Variants in ADAMTS18 observed in about 807,000 individuals in gnomAD.
ADAMTS18 encodes the protein A disintegrin and metalloproteinase with thrombospondin motifs 18.
A neutral mutation model predicts 165.9 loss-of-function variants in ADAMTS18; 157 were observed. The observed-to-expected ratio is 0.95, with a 90% confidence interval of 0.83 to 1.08. ADAMTS18 has a LOEUF of 1.08. ADAMTS18 is among the 50% of genes least tolerant of loss of function. The pLI is 0.00. For synonymous variants in ADAMTS18, 782 were observed against 578.2 expected (o/e 1.35, Z -5.06); for missense variants, 2,040 against 1,534.0 (o/e 1.33, Z -5.51).
In ADAMTS18 at chr16:77,289,222, C is replaced by T. The variant is rs775318033; in HGVS notation, c.3550+42G>A. ...ACAAAGTAGCCTTTGAAAAAATTAT[C>T]TAAAGACTAGTAAAGTTGACTGGAG... On this transcript the variant is annotated intron_variant, in intron 22 of 22. Transcript: ENST00000282849. 32 of 1,611,658 alleles carry T rather than the reference C, an allele frequency of 2.0e-5. No homozygotes were observed. In the South Asian group the frequency reaches 2.5e-4, roughly 13 times the overall value.
chr16:77,398,947 A>C (rs924094748), intron 3 of ADAMTS18, among the ~76,000 whole-genome samples: 1 of 152,188 alleles, frequency 6.6e-6, no homozygotes. Context: ...AGATGTTGAA[A>C]ATACAAAAAA....
chr16:77,394,141 T>C (rs2057226439), intron 3 of ADAMTS18, among the ~76,000 whole-genome samples: 1 of 152,222 alleles, frequency 6.6e-6, no homozygotes, highest in South Asian at 2.1e-4. Context: ...TTAAAATGCA[T>C]CCTTAGCAGC....
chr16:77,422,306 T>C (rs1203764029), intron 3 of ADAMTS18, among the ~76,000 whole-genome samples: 1 of 151,986 alleles, frequency 6.6e-6, no homozygotes, highest in Non-Finnish European at 1.5e-5. Context: ...GTGGAGTTAT[T>C]GCTGAATAAG....
intron 3 of ADAMTS18, among the ~76,000 whole-genome samples, chr16:77,416,975 C>T (rs12443792): frequency 0.15 from 23,215 of 152,130 alleles, 1,903 homozygotes; most frequent in Middle Eastern, 0.19. Flanking sequence ...TAAGATTACT[C>T]GGTATTTATA....
intron 3 of ADAMTS18, among the ~76,000 whole-genome samples, chr16:77,396,953 C>A (rs575993433): frequency 4.6e-5 from 7 of 152,056 alleles, no homozygotes; most frequent in Non-Finnish European, 1.0e-4. Context: ...ATTACAGGCG[C>A]CCGCCACCAC....
intron 3 of ADAMTS18, among the ~76,000 whole-genome samples, chr16:77,419,774 GTGAA>G (rs2057577157): frequency 2.0e-5 from 3 of 151,942 alleles, no homozygotes. Context: ...TGACAGGCAG[GTGAA>G]TCATGAGGTC....
At chr16:77,391,874 G>A (rs898191776) in intron 3 of ADAMTS18, among the ~76,000 whole-genome samples, 1 of 152,108 alleles carries the variant, frequency 6.6e-6, no homozygotes, top group African/African-American at 2.4e-5. Flanking sequence ...CCTCACAAAG[G>A]GATCCATCCA....
intron 3 of ADAMTS18, among the ~76,000 whole-genome samples, chr16:77,381,670 C>T (rs770347860): frequency 7.9e-5 from 12 of 152,100 alleles, no homozygotes; most frequent in Non-Finnish European, 1.3e-4. Context: ...GCTGTAGTGA[C>T]GCACGCCTGT....
intron 12 of ADAMTS18, among the ~76,000 whole-genome samples, chr16:77,334,871 T>C (rs2056280309): frequency 7.6e-6 from 1 of 131,168 alleles, no homozygotes; most frequent in Non-Finnish European, 1.5e-5. Context: ...ATGTACAGTA[T>C]ATGCACTATA....
intron 16 of ADAMTS18, among the ~76,000 whole-genome samples, chr16:77,302,273 G>A (rs986066616): frequency 1.3e-5 from 2 of 152,156 alleles, no homozygotes; most frequent in African/African-American, 4.8e-5. Flanking sequence ...AGATGATCCT[G>A]ATGCTGGTTA....
intron 3 of ADAMTS18, among the ~76,000 whole-genome samples, chr16:77,409,381 T>G (rs556893867): frequency 1.3e-5 from 2 of 151,784 alleles, no homozygotes; most frequent in East Asian, 1.9e-4. Context: ...CCGAAGAAAA[T>G]AGAGATAAGA....
intron 3 of ADAMTS18, among the ~76,000 whole-genome samples, chr16:77,369,676 C>A (rs2056848740): frequency 6.6e-6 from 1 of 152,172 alleles, no homozygotes; most frequent in South Asian, 2.1e-4. Flanking sequence ...TAAGGAAGAA[C>A]TAATACCAAT....
rs1261874269 is a variant in ADAMTS18 at position 77,322,430 on chromosome 16, T to C, written c.2069A>G (p.Asn690Ser). 1 of 1,614,040 alleles carries C rather than the reference T, an allele frequency of 6.2e-7. No individual in the cohort carries two copies. Among genetic ancestry groups the C allele is most frequent in the Non-Finnish European group, 8.5e-7 (1 of 1,179,960 alleles). Residue 690 changes from asparagine to serine, a missense_variant, in exon 14 of 23, where the codon AAC becomes AGC. Asn to Ser is a conservative substitution (Grantham distance 46). Transcript: ENST00000282849. ...GGACATTGCAAAAAAAAATTCAAAG[T>C]TCTCAGCCTTGCAGTACAGTTTGCA... ...DRCKLYCKAENFEFFFAMSGK... is the reference protein window; with the variant it reads ...DRCKLYCKAESFEFFFAMSGK...
Position 77,434,628 on chromosome 16 carries a change from G to A in ADAMTS18, c.68C>T (p.Ala23Val), listed in dbSNP as rs1401694800. ...TGCCTTGGCCACGCGCCCCAGTCCC[G>A]CCAGGCCCCTCGGCGGGCCCGAACC... is the stretch of plus-strand genomic sequence containing the variant. ...AAGSGPPRGL[A>V]GLGRVAKALQ... Residue 23 changes from alanine (A) to valine (V), a missense_variant, in exon 1 of 23, where the codon GCG becomes GTG. Ala to Val is a moderately conservative substitution (Grantham distance 64). Transcript: ENST00000282849. 4 of 1,491,708 alleles carry A rather than the reference G, an allele frequency of 2.7e-6. No homozygotes were observed. The highest frequency in any genetic ancestry group is 2.5e-5 in the South Asian group (2 of 79,502). 92.4% of individuals were successfully genotyped at this position (1,491,708 alleles called of 1,614,324 possible).
At chr16:77,381,444 A>G (rs1298059625) in intron 3 of ADAMTS18, among the ~76,000 whole-genome samples, 4 of 152,194 alleles carry the variant, frequency 2.6e-5, no homozygotes, top group Non-Finnish European at 2.9e-5. Flanking sequence ...AGGACCAGAA[A>G]AACAAAGAGA....
intron 12 of ADAMTS18, among the ~76,000 whole-genome samples, chr16:77,331,443 C>A (rs907136689): frequency 6.6e-6 from 1 of 152,158 alleles, no homozygotes; most frequent in Admixed American, 6.6e-5. Context: ...GGTTAAATAA[C>A]TACCCTCCTG....
intron 6 of ADAMTS18, among the ~76,000 whole-genome samples, chr16:77,363,273 G>A (rs147903710): frequency 1.6e-4 from 25 of 152,244 alleles, no homozygotes; most frequent in African/African-American, 5.5e-4. Context: ...TCCAAGGACA[G>A]TTAAATATCC....
intron 3 of ADAMTS18, among the ~76,000 whole-genome samples, chr16:77,430,180 A>AAAC (rs2057721831): frequency 6.6e-6 from 1 of 152,140 alleles, no homozygotes; most frequent in Non-Finnish European, 1.5e-5. Context: ...AAACAAAAAA[A>AAAC]CAAGATATAG....
intron 3 of ADAMTS18, among the ~76,000 whole-genome samples, chr16:77,398,614 G>A (rs2057288994): frequency 6.6e-6 from 1 of 152,080 alleles, no homozygotes; most frequent in South Asian, 2.1e-4. Context: ...TGACATTTTG[G>A]GTCAGGTAAG....
Sources: gnomAD v4.1 joint callset for allele counts (sites outside exome capture counted in the v4.1 genomes callset) on GRCh38, gnomAD v4.1.1 for gene constraint, MANE v1.5 for transcripts, NCBI Gene and HGNC (gene_info 2026-07-23, HGNC 2026-07-21) for gene names.